Variants in ATP2C2 observed in about 807,000 individuals in gnomAD.
The protein encoded by ATP2C2 is ATPase secretory pathway Ca2+ transporting 2.
Under a neutral mutation model 110.8 loss-of-function variants are expected in ATP2C2, and 171 were observed. The observed-to-expected ratio is 1.54, with a 90% CI of 1.36 to 1.75. ATP2C2 has a LOEUF of 1.75. Ranked by LOEUF, ATP2C2 falls within the 40% of genes most tolerant of loss-of-function variation. ATP2C2 has a pLI of 0.00. For missense variants in ATP2C2, 1,963 were observed against 1,235.0 expected, an observed-to-expected ratio of 1.59 and a Z score of -8.84; for synonymous variants, 804 against 508.4, an observed-to-expected ratio of 1.58 and a Z score of -7.82.
intron 6 of ATP2C2, among the ~76,000 whole-genome samples, chr16:84,413,515 C>T (rs1375078164): frequency 6.6e-6 from 1 of 152,134 alleles, no homozygotes; most frequent in Admixed American, 6.5e-5. Flanking sequence ...TGTCAGAAAT[C>T]CAGACATGTG....
intron 2 of ATP2C2, among the ~76,000 whole-genome samples, chr16:84,403,523 G>T (rs543178947): frequency 5.9e-4 from 90 of 152,100 alleles, no homozygotes; most frequent in Non-Finnish European, 1.2e-3. Context: ...GCCCAGACTA[G>T]CCTTGAACTC....
intron 19 of ATP2C2, 29 bp from the exon 20 acceptor site, chr16:84,453,292 T>G: frequency 1.2e-6 from 2 of 1,614,112 alleles, no homozygotes; most frequent in Non-Finnish European, 1.7e-6. Flanking sequence ...TGAAATCTGA[T>G]TCTTCGTCTT....
chr16:84,461,636 G>C, intron 24 of ATP2C2, 78 bp from the exon 25 acceptor site: 4 of 1,312,278 alleles, frequency 3.0e-6, no homozygotes, highest in Non-Finnish European at 4.4e-6. Context: ...GGAGCAGTGA[G>C]GCAGGCCTGT....
chr16:84,461,709 TCCA>T lies in ATP2C2; in HGVS notation c.2482-4_2482-2del. The T allele has an allele frequency of 1.9e-6, 3 of 1,613,736 alleles. No individual in the cohort carries two copies. Among genetic ancestry groups the T allele is most frequent in the Non-Finnish European group, 2.5e-6 (3 of 1,179,606 alleles). ...TAACCTCTCACCTTTGTGCTCACCTTCCAGATGCCTGAAGACAGAGCAAGCACT... is the reference window on the plus strand; with the variant it reads ...TAACCTCTCACCTTTGTGCTCACCTTGATGCCTGAAGACAGAGCAAGCACT... On this transcript the variant is annotated splice_acceptor_variant and splice_polypyrimidine_tract_variant and intron_variant, in intron 24 of 26. Coordinates refer to ENST00000262429, the MANE Select transcript of ATP2C2 (RefSeq NM_014861.4). LOFTEE classifies it high-confidence loss of function.
intron 20 of ATP2C2, among the ~76,000 whole-genome samples, chr16:84,454,531 G>T (rs1328945462): frequency 6.6e-6 from 1 of 152,270 alleles, no homozygotes; most frequent in Middle Eastern, 3.4e-3. Flanking sequence ...TAACCTTTAT[G>T]AGCCTTTACT....
intron 6 of ATP2C2, among the ~76,000 whole-genome samples, chr16:84,412,363 C>CATGTGTGT (rs1906410940): frequency 1.3e-5 from 1 of 75,666 alleles, no homozygotes. Flanking sequence ...TGCGTGTGTG[C>CATGTGTGT]ATGTGTGTGT....
intron 11 of ATP2C2, among the ~76,000 whole-genome samples, chr16:84,432,252 A>C (rs1026901421): frequency 6.6e-6 from 1 of 152,004 alleles, no homozygotes; most frequent in Non-Finnish European, 1.5e-5. Flanking sequence ...TGAGACTCAC[A>C]TTTCTTTTGT....
At chr16:84,373,062 G>C (rs1910047440) in intron 1 of ATP2C2, among the ~76,000 whole-genome samples, 1 of 149,016 alleles carries the variant, frequency 6.7e-6, no homozygotes, top group Admixed American at 6.8e-5. Flanking sequence ...GGAGGTTGCA[G>C]AGAGCTGAGA....
rs776437995 is a variant in ATP2C2 at position 84,450,023 on chromosome 16, G to A, written c.1660+1334G>A. ...CACAGCCCTGCCTAGTGCAGCCAGC[G>A]CCTTCGCCCGGATGTCTGCTGCGGA... On this transcript the variant is annotated intron_variant, in intron 17 of 26. Transcript: ENST00000262429. Among the ~76,000 whole-genome samples the A allele has an allele frequency of 3.9e-5, 6 of 152,356 alleles. No homozygotes were observed. In the East Asian group the frequency reaches 7.7e-4, roughly 20 times the overall value.
chr16:84,422,321 T>G (rs983637539), intron 7 of ATP2C2, 69 bp from the exon 8 acceptor site: 7 of 1,533,960 alleles, frequency 4.6e-6, no homozygotes, highest in Non-Finnish European at 6.2e-6. Context: ...CTGGTACCAT[T>G]TTGTGCTTTT....
At chr16:84,376,047 G>A (rs1050321427) in intron 1 of ATP2C2, among the ~76,000 whole-genome samples, 5 of 152,144 alleles carry the variant, frequency 3.3e-5, no homozygotes, top group Admixed American at 3.3e-4. Context: ...GGCGGTGTAT[G>A]AGCGGTGCCA....
chr16:84,455,100 A>T lies in ATP2C2; in HGVS notation c.2147+116A>T. ...GGGGTCTCGCGGAGTCCCCAGGGAG[A>T]GCTGAATCTCGGGGCTCGTCAGTGT... On this transcript the variant is annotated intron_variant, in intron 21 of 26. Transcript: ENST00000262429. 6 of 1,347,412 alleles carry T rather than the reference A, an allele frequency of 4.5e-6. No homozygotes were observed. The South Asian group carries it at 7.7e-5, about 17-fold the overall frequency. The allele number at this position is 1,347,412 out of a possible 1,614,324, so 83.5% of individuals were successfully genotyped here. A position where few individuals can be genotyped will look rare whatever the true frequency, so the allele number is the denominator to read the frequency against.
rs1909022191 is a variant in ATP2C2 at position 84,439,282 on chromosome 16, A to G, written c.1103A>G (p.Glu368Gly). Residue 368 changes from glutamate to glycine, a missense_variant, in exon 12 of 27, where the codon GAG becomes GGG. Glu to Gly is a moderately conservative substitution (Grantham distance 98). Coordinates refer to ENST00000262429, the MANE Select transcript of ATP2C2 (RefSeq NM_014861.4). Reference sequence around the variant, plus strand: ...ATCGTGAAGAAGTTACCCATCGTGGAGACTTTAGGTGAGGGACTCCAGCTG... The same window carrying G: ...ATCGTGAAGAAGTTACCCATCGTGGGGACTTTAGGTGAGGGACTCCAGCTG... ...RVIVKKLPIV[E>G]TLGCCSVLCS... is the part of the protein sequence containing the mutation. The G allele has an allele frequency of 1.9e-6, 3 of 1,612,916 alleles. No homozygotes were observed. Among genetic ancestry groups the G allele is most frequent in the Non-Finnish European group, 2.5e-6 (3 of 1,180,018 alleles).
intron 11 of ATP2C2, among the ~76,000 whole-genome samples, chr16:84,431,777 C>T (rs1313156421): frequency 6.6e-6 from 1 of 152,128 alleles, no homozygotes; most frequent in Non-Finnish European, 1.5e-5. Context: ...TTTCCCAATA[C>T]GCCACGCCAG....
At chr16:84,424,761 T>C (rs991894348) in intron 10 of ATP2C2, among the ~76,000 whole-genome samples, 1 of 151,980 alleles carries the variant, frequency 6.6e-6, no homozygotes, top group African/African-American at 2.4e-5. Flanking sequence ...ATACTCTCAG[T>C]GTGGCCGTTT....
intron 24 of ATP2C2, 36 bp downstream of exon 24, chr16:84,460,837 C>G: frequency 1.3e-6 from 2 of 1,588,560 alleles, no homozygotes; most frequent in Non-Finnish European, 1.7e-6. Flanking sequence ...TCTCCAAGCC[C>G]TGGTGCGGTG....
At chr16:84,429,569 T>A (rs768926359) in intron 11 of ATP2C2, among the ~76,000 whole-genome samples, 1 of 152,084 alleles carries the variant, frequency 6.6e-6, no homozygotes, top group African/African-American at 2.4e-5. Flanking sequence ...AGTGTTGGGA[T>A]TGGGGGAGGT....
At chr16:84,436,926 C>T (rs1034913254) in intron 11 of ATP2C2, among the ~76,000 whole-genome samples, 5 of 152,014 alleles carry the variant, frequency 3.3e-5, no homozygotes, top group African/African-American at 1.2e-4. Context: ...CCACGCCTGG[C>T]TAATTTTGTA....
intron 11 of ATP2C2, among the ~76,000 whole-genome samples, chr16:84,436,942 A>G (rs1427370067): frequency 1.3e-5 from 2 of 151,706 alleles, no homozygotes; most frequent in Non-Finnish European, 2.9e-5. Flanking sequence ...TTGTATTTTT[A>G]GGAGAGACGG....
Sources: gnomAD v4.1 joint callset for allele counts (sites outside exome capture counted in the v4.1 genomes callset) on GRCh38, gnomAD v4.1.1 for gene constraint, MANE v1.5 for transcripts, NCBI Gene and HGNC (gene_info 2026-07-23, HGNC 2026-07-21) for gene names.